FYB2: variants seen among roughly 807,000 people sequenced by gnomAD.
The protein encoded by FYB2 is FYN binding protein 2, also known as FYN-binding protein 2.
Under a neutral mutation model 94.1 loss-of-function variants are expected in FYB2, and 103 were observed. The observed-to-expected ratio is 1.09, with a 90% CI of 0.93 to 1.29. The LOEUF is 1.29. FYB2 is among the 50% of genes most tolerant of loss of function. The pLI is 0.00. For synonymous variants in FYB2, 293 were observed against 287.9 expected (o/e 1.02, Z -0.18); for missense variants, 896 against 841.5 (o/e 1.06, Z -0.80).
At chr1:56,723,542 C>A in intron 17 of FYB2, 46 bp downstream of exon 17, 1 of 1,146,274 alleles carries the variant, frequency 8.7e-7, no homozygotes, top group African/African-American at 1.6e-5. Context: ...AATGAAAGCT[C>A]CTAGCTGTTA....
intron 2 of FYB2, among the ~76,000 whole-genome samples, chr1:56,789,992 G>A (rs1213494592): frequency 1.3e-5 from 2 of 152,146 alleles, no homozygotes; most frequent in Admixed American, 1.3e-4. Context: ...TTCCAGGAAA[G>A]TTCCAATTTT....
intron 4 of FYB2, among the ~76,000 whole-genome samples, chr1:56,772,110 C>G (rs146764840): frequency 1.4e-3 from 211 of 152,104 alleles, no homozygotes; most frequent in African/African-American, 4.9e-3. Flanking sequence ...TCAAGAGAAA[C>G]TTTCTTAAAT....
In FYB2 at chr1:56,760,912, C is replaced by A. The variant is rs147270287; in HGVS notation, c.1064-2162G>T. Among the ~76,000 whole-genome samples the A allele has an allele frequency of 9.5e-3, 1,449 of 152,234 alleles. 17 individuals carry two copies. The highest frequency in any genetic ancestry group is 0.032 in the African/African-American group (1,341 of 41,540). Reference sequence around the variant, plus strand: ...AGGTAGGAATATAGAGGATAAAGGGCTACATCCCAAAGGATCAGAAATGGA... The same window carrying A: ...AGGTAGGAATATAGAGGATAAAGGGATACATCCCAAAGGATCAGAAATGGA... On this transcript the variant is annotated intron_variant, in intron 5 of 19. Transcript: ENST00000343433.
Position 56,792,934 on chromosome 1 carries a change from G to A in FYB2, c.10-131C>T, listed in dbSNP as rs1163524911. On this transcript the variant is annotated intron_variant, in intron 1 of 19. Transcript: ENST00000343433. ...GATCTCACTGATCTCACCATGTTAA[G>A]GGACTCTAACTGCTGATATAACGCA... 5 of 961,318 alleles carry A rather than the reference G, an allele frequency of 5.2e-6. No homozygotes were observed. The African/African-American group carries it at 6.6e-5, about 13-fold the overall frequency. 59.5% of individuals were successfully genotyped at this position (961,318 alleles called of 1,614,324 possible).
intron 5 of FYB2, among the ~76,000 whole-genome samples, chr1:56,764,812 G>A (rs1645583456): frequency 6.6e-6 from 1 of 151,926 alleles, no homozygotes; most frequent in African/African-American, 2.4e-5. Flanking sequence ...TCACAGTTCT[G>A]GAGGCTGGAA....
In FYB2 at chr1:56,719,755, A is replaced by AGAT. The variant is rs1444531355; in HGVS notation, c.2166-66_2166-64dup. On this transcript the variant is annotated intron_variant, in intron 19 of 19. Transcript: ENST00000343433. ...TAGGACAATGAAACAGTTGAGTGGG[A>AGAT]GATTTCTAGGGAATTTCTGATCTAG... 8.7e-6 allele frequency: 12 copies of AGAT among 1,384,116 alleles called. No homozygotes were observed. In the African/African-American group the frequency reaches 1.7e-4, roughly 20 times the overall value. The allele number at this position is 1,384,116 out of a possible 1,614,324, so 85.7% of individuals were successfully genotyped here. A position where few individuals can be genotyped will look rare whatever the true frequency, so the allele number is the denominator to read the frequency against.
intron 1 of FYB2, among the ~76,000 whole-genome samples, chr1:56,801,450 T>C (rs762458119): frequency 1.8e-4 from 27 of 152,198 alleles, no homozygotes; most frequent in Non-Finnish European, 3.1e-4. Context: ...TCCTCTCTAT[T>C]ACTACTCTCA....
chr1:56,791,966 TA>T (rs1646276469), intron 2 of FYB2, 89 bp downstream of exon 2: 6 of 1,494,294 alleles, frequency 4.0e-6, no homozygotes, highest in Non-Finnish European at 5.3e-6. Context: ...CCAGGTCATA[TA>T]CATAACCACT....
At chr1:56,731,281 A>G (rs964410182) in intron 15 of FYB2, among the ~76,000 whole-genome samples, 2 of 152,102 alleles carry the variant, frequency 1.3e-5, no homozygotes, top group Non-Finnish European at 2.9e-5. Context: ...CTCTGTACTC[A>G]ATAGCGTGGA....
Position 56,742,148 on chromosome 1 carries a change from G to C in FYB2, c.1604+13C>G. On this transcript the variant is annotated intron_variant, in intron 12 of 19. Coordinates refer to ENST00000343433, the MANE Select transcript of FYB2 (RefSeq NM_001004303.5). ...GTCATTAGCCTACAAAGCCAAGAAA[G>C]AGAGAAACTCACTCTATCTTTGGGT... 1 of 1,598,386 alleles carries C rather than the reference G, an allele frequency of 6.3e-7. No individual in the cohort carries two copies.
At chr1:56,808,397 C>A (rs567615222) in intron 1 of FYB2, among the ~76,000 whole-genome samples, 5 of 152,146 alleles carry the variant, frequency 3.3e-5, no homozygotes, top group Non-Finnish European at 7.4e-5. Context: ...TGTTTTCAGC[C>A]AAAATTGATG....
At chr1:56,812,164 G>A (rs796541975) in intron 1 of FYB2, among the ~76,000 whole-genome samples, 8 of 152,204 alleles carry the variant, frequency 5.3e-5, no homozygotes, top group African/African-American at 9.6e-5. Context: ...ATATAATTTT[G>A]TAGACAAGTA....
chr1:56,805,274 A>G (rs1297612141), intron 1 of FYB2, among the ~76,000 whole-genome samples: 1 of 152,258 alleles, frequency 6.6e-6, no homozygotes, highest in East Asian at 1.9e-4. Flanking sequence ...CACAGAGAGT[A>G]GATGGACGAT....
chr1:56,765,813 C>T (rs1390683833), intron 5 of FYB2, among the ~76,000 whole-genome samples: 1 of 152,230 alleles, frequency 6.6e-6, no homozygotes, highest in African/African-American at 2.4e-5. Flanking sequence ...TCAGAGTCAT[C>T]TAGTCTTCTT....
At chr1:56,746,808 A>G (rs1645077226) in intron 9 of FYB2, among the ~76,000 whole-genome samples, 1 of 152,044 alleles carries the variant, frequency 6.6e-6, no homozygotes, top group Admixed American at 6.6e-5. Context: ...ATTGGGATAT[A>G]TACATAAGTA....
intron 17 of FYB2, among the ~76,000 whole-genome samples, chr1:56,723,223 ACG>A (rs967576171): frequency 6.9e-6 from 1 of 144,248 alleles, no homozygotes; most frequent in Non-Finnish European, 1.5e-5. Context: ...ACACACACAC[ACG>A]CACACACACA....
chr1:56,775,657 C>G (rs1645858780), intron 4 of FYB2, among the ~76,000 whole-genome samples: 1 of 152,126 alleles, frequency 6.6e-6, no homozygotes, highest in African/African-American at 2.4e-5. Flanking sequence ...ATATTTGAAT[C>G]TGAAGTCTTA....
chr1:56,729,489 G>A (rs1644656667), intron 15 of FYB2, among the ~76,000 whole-genome samples: 1 of 152,064 alleles, frequency 6.6e-6, no homozygotes, highest in South Asian at 2.1e-4. Context: ...TCCATCTTCA[G>A]TGGACCCAAC....
chr1:56,818,022 A>T lies in FYB2; in HGVS notation c.9+1260T>A, dbSNP rs1487528416. ...ATAGACCACACTGTATTGTCATCAG[A>T]TAAACTGAAATAATGGATGCCAGTG... On this transcript the variant is annotated intron_variant, in intron 1 of 19. Coordinates refer to ENST00000343433, the MANE Select transcript of FYB2 (RefSeq NM_001004303.5). Among the ~76,000 whole-genome samples the T allele has an allele frequency of 2.6e-5, 4 of 152,342 alleles. No individual in the cohort carries two copies. The South Asian group carries it at 8.3e-4, about 32-fold the overall frequency.
Sources: gnomAD v4.1 joint callset for allele counts (sites outside exome capture counted in the v4.1 genomes callset) on GRCh38, gnomAD v4.1.1 for gene constraint, MANE v1.5 for transcripts, NCBI Gene and HGNC (gene_info 2026-07-23, HGNC 2026-07-21) for gene names.